Variants in NAALADL2 observed in about 807,000 individuals in gnomAD.
NAALADL2 encodes the protein N-acetylated alpha-linked acidic dipeptidase like 2.
Under a neutral mutation model 87.2 loss-of-function variants are expected in NAALADL2, and 76 were observed. The ratio of observed to expected loss-of-function variants is 0.87; its 90% CI spans 0.72 to 1.05. NAALADL2 has a LOEUF of 1.05. NAALADL2 is among the 50% of genes least tolerant of loss of function. The pLI is 0.00. For synonymous variants in NAALADL2, 354 were observed against 331.0 expected (o/e 1.07, Z -0.75); for missense variants, 1,089 against 945.8 (o/e 1.15, Z -1.99).
At chr3:175,549,416 C>T (rs1016184357) in intron 9 of NAALADL2, among the ~76,000 whole-genome samples, 1 of 151,832 alleles carries the variant, frequency 6.6e-6, no homozygotes, top group Non-Finnish European at 1.5e-5. Context: ...TATAAATACT[C>T]TATTATTTTG....
chr3:175,262,524 G>A (rs1215859590), intron 4 of NAALADL2, among the ~76,000 whole-genome samples: 1 of 151,232 alleles, frequency 6.6e-6, no homozygotes, highest in African/African-American at 2.4e-5. Flanking sequence ...TAATGCAATG[G>A]GCACAAAAAA....
chr3:174,844,762 A>G (rs930134448), intron 3 of NAALADL2, among the ~76,000 whole-genome samples: 5 of 149,832 alleles, frequency 3.3e-5, no homozygotes, highest in African/African-American at 1.2e-4. Context: ...ATTGGCATAT[A>G]TAAATGCTAC....
rs187874791 is a variant in NAALADL2, at chr3:174,905,106, G to A, written c.43+45656G>A. Among the ~76,000 whole-genome samples, 228 of 151,666 alleles carry A rather than the reference G, an allele frequency of 1.5e-3. 1 individual carries two copies. Among genetic ancestry groups the A allele is most frequent in the African/African-American group, 5.1e-3 (212 of 41,374 alleles). ...TTTTATATATTTAAAAATATAAATC[G>A]TAATGATCAGTATTTCAAATTTGCT... On this transcript the variant is annotated intron_variant, in intron 1 of 13. Transcript: ENST00000454872.
intron 13 of NAALADL2, among the ~76,000 whole-genome samples, chr3:175,793,552 T>C (rs1560022624): frequency 6.6e-6 from 1 of 151,990 alleles, no homozygotes; most frequent in Non-Finnish European, 1.5e-5. Flanking sequence ...CCTGACCTCG[T>C]GATCTGCCGA....
intron 3 of NAALADL2, among the ~76,000 whole-genome samples, chr3:174,838,034 A>C (rs1439810283): frequency 2.2e-5 from 3 of 137,126 alleles, no homozygotes; most frequent in Non-Finnish European, 3.1e-5. Flanking sequence ...AAAAAAAAAA[A>C]AAGAAAAAAA....
intron 2 of NAALADL2, among the ~76,000 whole-genome samples, chr3:175,215,446 AC>A (rs1560176153): frequency 6.6e-6 from 1 of 152,230 alleles, no homozygotes; most frequent in East Asian, 1.9e-4. Context: ...AGGATTAGAA[AC>A]CTGTGTTGGA....
In NAALADL2 at chr3:174,677,392, G is replaced by A. The variant is rs182394223; in HGVS notation, c.-114-60249G>A. Among the ~76,000 whole-genome samples the A allele has an allele frequency of 2.1e-3, 316 of 151,874 alleles. 6 individuals are homozygous for A. The South Asian group carries it at 0.031, about 15-fold the overall frequency. ...ACAGCTGTATTATGTTTCATCATGCGAATATACGATTATTGAGTTACTTTT... is the reference window on the plus strand; with the variant it reads ...ACAGCTGTATTATGTTTCATCATGCAAATATACGATTATTGAGTTACTTTT... On this transcript the variant is annotated intron_variant, in intron 2 of 3. Coordinates refer to the NAALADL2 transcript ENST00000434257.
intron 1 of NAALADL2, among the ~76,000 whole-genome samples, chr3:174,511,843 G>A (rs926510477): frequency 4.0e-5 from 6 of 151,876 alleles, no homozygotes; most frequent in African/African-American, 1.4e-4. Context: ...TTACTCCAAA[G>A]TTGACAACAT....
At chr3:175,295,718 A>C (rs7634598) in intron 4 of NAALADL2, among the ~76,000 whole-genome samples, 5,451 of 143,570 alleles carry the variant, frequency 0.038, 105 homozygotes, top group East Asian at 0.052. Context: ...CATGCACACA[A>C]ACACACACAC....
rs528381707 is a variant in NAALADL2, at chr3:175,313,330, T to C, written c.940-10845T>C. On this transcript the variant is annotated intron_variant, in intron 4 of 13. Transcript: ENST00000454872. ...TCCATAACAGTGAGACTTAAATTTT[T>C]CTGTAAAACTAAGGTCTTATTTTTG... is the stretch of plus-strand genomic sequence containing the variant. Among the ~76,000 whole-genome samples, 6 of 152,310 alleles carry C rather than the reference T, an allele frequency of 3.9e-5. No individual in the cohort carries two copies. In the South Asian group the frequency reaches 1.2e-3, roughly 32 times the overall value.
At chr3:174,476,116 A>G (rs1331716634) in intron 1 of NAALADL2, among the ~76,000 whole-genome samples, 2 of 152,018 alleles carry the variant, frequency 1.3e-5, no homozygotes, top group African/African-American at 2.4e-5. Context: ...AAATAATCAG[A>G]GAATCAAATA....
At position 175,797,472 on chromosome 3, in the gene NAALADL2, A is replaced by T. The variant is rs1753641488; in HGVS notation, c.2190-5533A>T. Reference sequence around the variant, plus strand: ...AAACTTTTCTAAATTGGACTAAAGCAGGTGTATTGAAGAGCAGGAATGATT... The same window carrying T: ...AAACTTTTCTAAATTGGACTAAAGCTGGTGTATTGAAGAGCAGGAATGATT... On this transcript the variant is annotated intron_variant, in intron 13 of 13. Coordinates refer to ENST00000454872, the MANE Select transcript of NAALADL2 (RefSeq NM_207015.3). Among the ~76,000 whole-genome samples the T allele has an allele frequency of 4.6e-5, 7 of 152,300 alleles. No individual in the cohort carries two copies. The South Asian group carries it at 1.4e-3, about 32-fold the overall frequency.
At chr3:175,749,474 G>A (rs560357168) in intron 12 of NAALADL2, among the ~76,000 whole-genome samples, 2 of 152,038 alleles carry the variant, frequency 1.3e-5, no homozygotes, top group East Asian at 3.9e-4. Flanking sequence ...CCTGGTAAGG[G>A]CCCAGTTTCT....
chr3:175,490,638 G>T (rs1035887761), intron 9 of NAALADL2, among the ~76,000 whole-genome samples: 5 of 150,514 alleles, frequency 3.3e-5, no homozygotes, highest in Non-Finnish European at 7.4e-5. Flanking sequence ...CTCGTGATCT[G>T]CCAGTCTCGG....
chr3:174,968,336 C>T lies in NAALADL2; in HGVS notation c.43+108886C>T, dbSNP rs548810559. 1.1e-4 allele frequency among the ~76,000 whole-genome samples: 16 copies of T among 152,236 alleles called. No individual in the cohort carries two copies. In the South Asian group the frequency reaches 2.1e-3, roughly 20 times the overall value. ...CTTTCTGTATCTCATTTTCTGCCAA[C>T]GCTGTGTGACCTAGAGACTGTTATA... is the stretch of plus-strand genomic sequence containing the variant. On this transcript the variant is annotated intron_variant, in intron 1 of 13. Transcript: ENST00000454872.
intron 2 of NAALADL2, among the ~76,000 whole-genome samples, chr3:174,589,590 T>C (rs749759314): frequency 5.9e-5 from 9 of 152,206 alleles, no homozygotes; most frequent in Non-Finnish European, 1.2e-4. Flanking sequence ...TGAATGAGAA[T>C]GGAAGGCAAA....
At chr3:175,488,788 T>C (rs1197525916) in intron 9 of NAALADL2, among the ~76,000 whole-genome samples, 1 of 152,218 alleles carries the variant, frequency 6.6e-6, no homozygotes, top group Non-Finnish European at 1.5e-5. Flanking sequence ...TGTTTGTACT[T>C]AGACCAGAAT....
chr3:175,024,817 G>A (rs1161237939), intron 1 of NAALADL2, among the ~76,000 whole-genome samples: 4 of 151,950 alleles, frequency 2.6e-5, no homozygotes, highest in African/African-American at 9.7e-5. Flanking sequence ...AGAGTAACAT[G>A]TACATTTTAG....
intron 2 of NAALADL2, among the ~76,000 whole-genome samples, chr3:174,676,938 G>GTATATATAATTATATTA (rs1441308636): frequency 2.6e-5 from 4 of 151,672 alleles, no homozygotes; most frequent in Non-Finnish European, 5.9e-5. Flanking sequence ...AAAAACCCTG[G>GTATATATAATTATATTA]TATATATAAT....
Sources: allele counts gnomAD v4.1 joint callset (sites outside exome capture counted in the v4.1 genomes callset), GRCh38; gene constraint gnomAD v4.1.1; transcripts MANE v1.5; gene names NCBI Gene and HGNC (gene_info 2026-07-23, HGNC 2026-07-21).